LYPD6B: variants seen among roughly 807,000 people sequenced by gnomAD.
The protein encoded by LYPD6B is ly6/PLAUR domain-containing protein 6B.
LYPD6B carries 17 observed loss-of-function variants against 22.8 expected under a neutral mutation model. That is an observed-to-expected ratio of 0.75 (90% CI 0.51 to 1.12). The LOEUF is 1.12. Among genes scored for constraint, LYPD6B ranks in the 50% most tolerant of loss-of-function variants. The pLI is 0.00. For synonymous variants in LYPD6B, 106 were observed against 91.6 expected, an observed-to-expected ratio of 1.16 and a Z score of -0.90; for missense variants, 221 against 258.3, an observed-to-expected ratio of 0.86 and a Z score of 0.99.
intron 1 of LYPD6B, among the ~76,000 whole-genome samples, chr2:149,057,298 A>G (rs1213922031): frequency 6.6e-6 from 1 of 152,122 alleles, no homozygotes; most frequent in Non-Finnish European, 1.5e-5. Context: ...CAGGCTACAA[A>G]AGAAAATGAA....
At chr2:149,066,315 A>G (rs1358236230) in intron 1 of LYPD6B, among the ~76,000 whole-genome samples, 2 of 151,852 alleles carry the variant, frequency 1.3e-5, no homozygotes, top group Admixed American at 1.3e-4. Flanking sequence ...TCCTAATGCT[A>G]TCCCTCCCCC....
At chr2:149,072,249 A>G (rs939222859) in intron 1 of LYPD6B, among the ~76,000 whole-genome samples, 3 of 152,170 alleles carry the variant, frequency 2.0e-5, no homozygotes, top group Non-Finnish European at 4.4e-5. Flanking sequence ...AGGATAATAA[A>G]CAAACACATA....
intron 3 of LYPD6B, among the ~76,000 whole-genome samples, chr2:149,168,755 A>G (rs1690609751): frequency 6.6e-6 from 1 of 152,172 alleles, no homozygotes; most frequent in Non-Finnish European, 1.5e-5. Flanking sequence ...ACAATAATAT[A>G]ACCTGCAGCA....
At chr2:149,159,783 GAGGCAA>G (rs1357908031) in intron 2 of LYPD6B, among the ~76,000 whole-genome samples, 5 of 152,080 alleles carry the variant, frequency 3.3e-5, no homozygotes, top group Non-Finnish European at 5.9e-5. Context: ...AGAGAGGCTG[GAGGCAA>G]AATTTCTTCT....
At chr2:149,146,429 C>A (rs901736390) in intron 2 of LYPD6B, among the ~76,000 whole-genome samples, 3 of 152,098 alleles carry the variant, frequency 2.0e-5, no homozygotes, top group African/African-American at 4.8e-5. Flanking sequence ...AAATACGAAC[C>A]TCAGAAAGAA....
Position 149,173,229 on chromosome 2 carries a change from T to C in LYPD6B, c.77+12394T>C, listed in dbSNP as rs569945497. 1.5e-3 allele frequency among the ~76,000 whole-genome samples: 230 copies of C among 152,108 alleles called. 3 individuals carry two copies. The highest frequency in any genetic ancestry group is 1.6e-3 in the Non-Finnish European group (112 of 67,976). On this transcript the variant is annotated intron_variant, in intron 3 of 6. Coordinates refer to ENST00000409642, the MANE Select transcript of LYPD6B (RefSeq NM_177964.5). ...TGTTTGTAATTACTTATAATTCATA[T>C]AGACGAATTGCTAACTAGCAAGGTC... is the stretch of plus-strand genomic sequence containing the variant.
chr2:149,116,258 G>T (rs1687001764), intron 1 of LYPD6B, among the ~76,000 whole-genome samples: 1 of 151,988 alleles, frequency 6.6e-6, no homozygotes, highest in Admixed American at 6.6e-5. Context: ...TTTATCATAG[G>T]TATGTATCTA....
rs780493473 is a variant in LYPD6B, at chr2:149,208,364, G to A, written c.280G>A (p.Asp94Asn). The change falls in exon 5 of 7, where the codon GAT becomes AAT. Residue 94 changes from aspartate to asparagine, a missense_variant. Physicochemically the swap from Asp to Asn is conservative, Grantham distance 23. Coordinates refer to ENST00000409642, the MANE Select transcript of LYPD6B (RefSeq NM_177964.5). ...GTGCTTTACTTGTGAAAACGCAGGG[G>A]ATAATTATAACTGCAATCGATGGGC... ...FKCFTCENAG[D>N]NYNCNRWAED... 3.7e-6 allele frequency: 6 copies of A among 1,613,784 alleles called. No individual in the cohort carries two copies. Among genetic ancestry groups the A allele is most frequent in the Non-Finnish European group, 3.4e-6 (4 of 1,179,746 alleles).
chr2:149,183,553 T>A (rs1452571755), intron 3 of LYPD6B, among the ~76,000 whole-genome samples: 1 of 152,234 alleles, frequency 6.6e-6, no homozygotes, highest in Admixed American at 6.5e-5. Context: ...GGTTTCAGCA[T>A]AAATAATATG....
intron 1 of LYPD6B, among the ~76,000 whole-genome samples, chr2:149,087,030 A>G (rs796357870): frequency 6.6e-6 from 1 of 151,698 alleles, no homozygotes; most frequent in South Asian, 2.1e-4. Context: ...AAAAAACCCT[A>G]TCTCCAAATA....
At chr2:149,176,905 T>C (rs1379766129) in intron 3 of LYPD6B, among the ~76,000 whole-genome samples, 1 of 152,162 alleles carries the variant, frequency 6.6e-6, no homozygotes, top group Non-Finnish European at 1.5e-5. Flanking sequence ...ATAACTCTGC[T>C]AAAAAGTGCC....
At chr2:149,099,642 C>G (rs895998524) in intron 1 of LYPD6B, among the ~76,000 whole-genome samples, 7 of 152,154 alleles carry the variant, frequency 4.6e-5, no homozygotes, top group African/African-American at 1.7e-4. Flanking sequence ...TCCAAGAGTT[C>G]TCAAAAACCT....
intron 3 of LYPD6B, among the ~76,000 whole-genome samples, chr2:149,191,379 T>A (rs1692478108): frequency 6.6e-6 from 1 of 152,204 alleles, no homozygotes; most frequent in South Asian, 2.1e-4. Context: ...GTGTATAGTA[T>A]GAGGTATGTA....
chr2:149,038,736 G>C lies in LYPD6B; in HGVS notation c.-132G>C, dbSNP rs1318677091. On this transcript the variant is annotated 5_prime_UTR_variant, in exon 1 of 7. Transcript: ENST00000409642. ...CAGCCAACGCCGGCCCCAGGCGGGT[G>C]CGCTGGGAGCCTGGGCCGGGAGCCG... 1 of 151,508 alleles carries C rather than the reference G, an allele frequency of 6.6e-6. No individual in the cohort carries two copies. Among genetic ancestry groups the C allele is most frequent in the Non-Finnish European group, 1.5e-5 (1 of 67,886 alleles). The allele number at this position is 151,508 out of a possible 1,614,324, so 9.4% of individuals were successfully genotyped here.
At chr2:149,138,882 A>G (rs1212738159) in intron 2 of LYPD6B, among the ~76,000 whole-genome samples, 3 of 152,194 alleles carry the variant, frequency 2.0e-5, no homozygotes, top group Admixed American at 6.5e-5. Context: ...ACACAGAAGC[A>G]TATGTTCAAC....
intron 3 of LYPD6B, among the ~76,000 whole-genome samples, chr2:149,169,873 G>T (rs1690702078): frequency 6.6e-6 from 1 of 152,230 alleles, no homozygotes; most frequent in Non-Finnish European, 1.5e-5. Context: ...TCAAGAGAAC[G>T]ATTACTCATC....
chr2:149,176,755 A>G (rs777167220), intron 3 of LYPD6B, among the ~76,000 whole-genome samples: 1 of 152,214 alleles, frequency 6.6e-6, no homozygotes, highest in Non-Finnish European at 1.5e-5. Flanking sequence ...CCTGAGGGCC[A>G]TCTATATGCT....
At chr2:149,156,668 A>G (rs1407051594) in intron 2 of LYPD6B, among the ~76,000 whole-genome samples, 1 of 152,026 alleles carries the variant, frequency 6.6e-6, no homozygotes, top group Non-Finnish European at 1.5e-5. Context: ...ATTGGATTGG[A>G]TTAGGGCCTA....
At chr2:149,104,989 A>G (rs184971564) in intron 1 of LYPD6B, among the ~76,000 whole-genome samples, 1 of 152,308 alleles carries the variant, frequency 6.6e-6, no homozygotes, top group Non-Finnish European at 1.5e-5. Context: ...TATATAGTGT[A>G]AAGATCAAAT....
Sources: gnomAD v4.1 joint callset for allele counts (sites outside exome capture counted in the v4.1 genomes callset) on GRCh38, gnomAD v4.1.1 for gene constraint, MANE v1.5 for transcripts, NCBI Gene and HGNC (gene_info 2026-07-23, HGNC 2026-07-21) for gene names.